The following BECN1 variants were observed in gnomAD, a reference collection of about 807,000 sequenced individuals.
BECN1 encodes the protein beclin 1.
A neutral mutation model predicts 60.1 loss-of-function variants in BECN1; 15 were observed. The ratio of observed to expected loss-of-function variants is 0.25; its 90% CI spans 0.17 to 0.38. The LOEUF (loss-of-function observed/expected upper bound fraction) is 0.38. BECN1 is among the 10% of genes least tolerant of loss of function. The pLI, the probability that BECN1 is intolerant of heterozygous loss-of-function variation, is 1.00. For missense variants in BECN1, 424 were observed against 548.2 expected (o/e 0.77, Z 2.26); for synonymous variants, 179 against 201.8 (o/e 0.89, Z 0.96).
Position 42,810,741 on chromosome 17 carries a change from C to G in BECN1, c.*19G>C, listed in dbSNP as rs781168074. The G allele has an allele frequency of 2.5e-6, 4 of 1,581,676 alleles. No individual in the cohort carries two copies. Among genetic ancestry groups the G allele is most frequent in the Non-Finnish European group, 3.4e-6 (4 of 1,165,244 alleles). On this transcript the variant is annotated 3_prime_UTR_variant, in exon 12 of 12. Coordinates refer to ENST00000590099, the MANE Select transcript of BECN1 (RefSeq NM_001313998.2). ...AAAATTAAAAGCCTTTAAGGCAAAC[C>G]TCCCCCTAAGGAAAAAAGTCATTTG...
chr17:42,824,226 A>G lies in BECN1; in HGVS notation c.-74T>C. 4 of 408,958 alleles carry G rather than the reference A, an allele frequency of 9.8e-6. No individual in the cohort carries two copies. Among genetic ancestry groups the G allele is most frequent in the Non-Finnish European group, 1.7e-5 (4 of 230,770 alleles). 25.3% of individuals were successfully genotyped at this position (408,958 alleles called of 1,614,324 possible). A position where few individuals can be genotyped will look rare whatever the true frequency, so the allele number is the denominator to read the frequency against. On this transcript the variant is annotated 5_prime_UTR_variant, in exon 1 of 12. Coordinates refer to ENST00000590099, the MANE Select transcript of BECN1 (RefSeq NM_001313998.2). ...CACTGTGGCCTCGGGTCGGCCCCGG[A>G]GCGAGGCCTCCAGAACTACCATCGC...
intron 11 of BECN1, chr17:42,811,221 G>C (rs1386481756): frequency 2.4e-5 from 8 of 330,406 alleles, no homozygotes; most frequent in Non-Finnish European, 3.8e-5. Context: ...AGGCATCCCT[G>C]AACTTGGCGG....
At chr17:42,813,625 GA>G (rs904260516) in intron 10 of BECN1, 171 of 180,978 alleles carry the variant, frequency 9.4e-4, no homozygotes, top group Middle Eastern at 2.3e-3. Context: ...CCCAAAATCT[GA>G]AAAAAAAAAT....
At chr17:42,818,481 G>A (rs2055191758) in intron 6 of BECN1, 63 bp downstream of exon 6, 2 of 1,612,184 alleles carry the variant, frequency 1.2e-6, no homozygotes, top group Non-Finnish European at 1.7e-6. Flanking sequence ...TACGGCTCTT[G>A]GGTAAGGGCC....
At chr17:42,820,207 T>C (rs2055234408) in intron 3 of BECN1, 1 of 152,992 alleles carries the variant, frequency 6.5e-6, no homozygotes, top group Admixed American at 6.5e-5. Context: ...TGTGGGTAAA[T>C]AAATACTCCA....
At chr17:42,823,721 C>T (rs1360983929) in intron 2 of BECN1, 27 bp downstream of exon 2, 1 of 1,609,050 alleles carries the variant, frequency 6.2e-7, no homozygotes, top group Non-Finnish European at 8.5e-7. Context: ...CATTCTTGAC[C>T]ACCCTCTTTC....
Position 42,816,054 on chromosome 17 carries a change from C to A in BECN1, c.684G>T (p.Gln228His). ...EAERLDQEEA[Q>H]YQREYSEFKR... The stretch of plus-strand genomic sequence containing the variant: ...TAAATTCACTGTATTCTCTCTGATA[C>A]CTGTGAGCAGCCAAGGGGGCCATTG... Residue 228 changes from glutamine (Q) to histidine (H), a missense_variant and splice_region_variant, in exon 8 of 12, where the codon CAG becomes CAT. Coordinates refer to ENST00000590099, the MANE Select transcript of BECN1 (RefSeq NM_001313998.2). 2.5e-6 allele frequency: 4 copies of A among 1,572,492 alleles called. No individual in the cohort carries two copies. The highest frequency in any genetic ancestry group is 3.4e-6 in the Non-Finnish European group (4 of 1,159,628).
At chr17:42,815,864 G>T (rs770063502) in intron 8 of BECN1, 44 bp downstream of exon 8, 14 of 1,613,444 alleles carry the variant, frequency 8.7e-6, no homozygotes, top group Non-Finnish European at 9.3e-6. Context: ...CAACAGCTAA[G>T]GTCTAGATAT....
rs2054968245 is a variant in BECN1, at chr17:42,810,369, T to C, written c.*391A>G. The C allele has an allele frequency of 6.4e-6, 1 of 155,518 alleles. No homozygotes were observed. Among genetic ancestry groups the C allele is most frequent in the Admixed American group, 6.5e-5 (1 of 15,368 alleles). The allele number at this position is 155,518 out of a possible 1,614,324, so 9.6% of individuals were successfully genotyped here. On this transcript the variant is annotated 3_prime_UTR_variant, in exon 12 of 12. Transcript: ENST00000590099. ...ACTGTGCATCTCAAACATATCCTCA[T>C]CTCAGTAAAGACAAAAGTTTCTATT... is the stretch of plus-strand genomic sequence containing the variant.
rs1291986451 is a variant in BECN1, at chr17:42,815,377, C to T, written c.830+531G>A. ...CTTCTACTTTACCTCTCAGTTTAAA[C>T]GTAAGTCCCCTATGGGGAAACTCTC... On this transcript the variant is annotated intron_variant, in intron 8 of 11. Transcript: ENST00000590099. Among the ~76,000 whole-genome samples the T allele has an allele frequency of 2.0e-5, 3 of 152,116 alleles. No homozygotes were observed. In the East Asian group the frequency reaches 5.8e-4, roughly 29 times the overall value.
intron 2 of BECN1, among the ~76,000 whole-genome samples, chr17:42,821,049 TATC>T (rs147125833): frequency 0.015 from 2,267 of 152,064 alleles, 27 homozygotes; most frequent in Non-Finnish European, 0.025. Flanking sequence ...GGCATAATGG[TATC>T]ATTATTATTA....
chr17:42,819,934 T>C (rs1204246526), intron 3 of BECN1, among the ~76,000 whole-genome samples: 2 of 152,080 alleles, frequency 1.3e-5, no homozygotes, highest in Non-Finnish European at 1.5e-5. Context: ...CCCTAAATCA[T>C]AGTACAAGGA....
chr17:42,815,799 T>C, intron 8 of BECN1, 109 bp downstream of exon 8: 1 of 1,419,704 alleles, frequency 7.0e-7, no homozygotes. Context: ...CCTAGTTGGG[T>C]GAAGATAACC....
intron 2 of BECN1, among the ~76,000 whole-genome samples, chr17:42,823,347 CCGGTTCAAG>C (rs2055311402): frequency 6.6e-6 from 1 of 152,116 alleles, no homozygotes; most frequent in Non-Finnish European, 1.5e-5. Flanking sequence ...CTCCACCTCA[CCGGTTCAAG>C]CGATTCTCCT....
intron 8 of BECN1, chr17:42,814,945 T>C (rs1356892508): frequency 2.2e-6 from 1 of 461,596 alleles, no homozygotes; most frequent in East Asian, 4.1e-5. Flanking sequence ...ACCTGCTAAA[T>C]ATCTTGGATC....
chr17:42,813,940 C>G lies in BECN1; in HGVS notation c.1041+8G>C, dbSNP rs1221869199. ...GTATTCCAGTGAAAATGGAGCTTCACAGAGTACCTTAGATTTGTCTGTCAG... is the reference window on the plus strand; with the variant it reads ...GTATTCCAGTGAAAATGGAGCTTCAGAGAGTACCTTAGATTTGTCTGTCAG... On this transcript the variant is annotated splice_region_variant and intron_variant, in intron 10 of 11. Coordinates refer to ENST00000590099, the MANE Select transcript of BECN1 (RefSeq NM_001313998.2). The G allele has an allele frequency of 1.3e-6, 2 of 1,578,112 alleles. No individual in the cohort carries two copies. The highest frequency in any genetic ancestry group is 1.4e-5 in the African/African-American group (1 of 73,566).
chr17:42,822,493 G>A (rs2055287676), intron 2 of BECN1, among the ~76,000 whole-genome samples: 1 of 152,152 alleles, frequency 6.6e-6, no homozygotes, highest in South Asian at 2.1e-4. Flanking sequence ...GCTTATTTAA[G>A]CTGCCTATTC....
At chr17:42,813,680 C>G (rs1010839328) in intron 10 of BECN1, 3 of 263,680 alleles carry the variant, frequency 1.1e-5, no homozygotes, top group Non-Finnish European at 2.1e-5. Flanking sequence ...CTGTAAACAT[C>G]TATCTCACGG....
chr17:42,813,988 C>A lies in BECN1; in HGVS notation c.1001G>T (p.Gly334Val). ...KFQRYRLVPY[G>V]NHSYLESLTD... is the part of the protein sequence containing the mutation. Reference sequence around the variant, plus strand: ...CAGAGACTCCAGATATGAATGGTTTCCGTAAGGAACAAGTCGGTATCTAAA... The same window carrying A: ...CAGAGACTCCAGATATGAATGGTTTACGTAAGGAACAAGTCGGTATCTAAA... The change falls in exon 10 of 12, where the codon GGA becomes GTA. Residue 334 changes from glycine (G) to valine (V), a missense_variant. This residue lies in a region of BECN1 where 326 missense variants were observed against 406.2 expected (regional missense o/e 0.80). Transcript: ENST00000590099. The A allele has an allele frequency of 6.2e-7, 1 of 1,605,076 alleles. No individual in the cohort carries two copies. Among genetic ancestry groups the A allele is most frequent in the Non-Finnish European group, 8.5e-7 (1 of 1,173,676 alleles).
Sources: allele counts gnomAD v4.1 joint callset (sites outside exome capture counted in the v4.1 genomes callset), GRCh38; gene constraint gnomAD v4.1.1; regional missense constraint gnomAD v4.1.1; transcripts MANE v1.5; gene names NCBI Gene and HGNC (gene_info 2026-07-23, HGNC 2026-07-21).